The following ANO1 variants were observed in gnomAD, a reference collection of about 807,000 sequenced individuals.
ANO1 encodes anoctamin 1.
Under a neutral mutation model 124.0 loss-of-function variants are expected in ANO1, and 59 were observed. That is an observed-to-expected ratio of 0.48 (90% CI 0.39 to 0.59). The LOEUF (loss-of-function observed/expected upper bound fraction) is 0.59. Ranked by LOEUF, ANO1 falls within the 20% of genes least tolerant of loss-of-function variation. The pLI is 0.00. For synonymous variants in ANO1, 529 were observed against 532.0 expected (o/e 0.99, Z 0.08); for missense variants, 1,059 against 1,328.0 (o/e 0.80, Z 3.15).
At chr11:70,175,554 C>T (rs866281672) in intron 22 of ANO1, among the ~76,000 whole-genome samples, 52 of 152,346 alleles carry the variant, frequency 3.4e-4, no homozygotes, top group African/African-American at 1.1e-3. Flanking sequence ...GGGACCCAGC[C>T]GTGCGTGGGA....
upstream of ANO1, among the ~76,000 whole-genome samples, chr11:69,983,991 G>A (rs1554996566): frequency 2.0e-5 from 3 of 152,152 alleles, no homozygotes; most frequent in South Asian, 2.1e-4. Context: ...AATAATGACA[G>A]TTAAAAATAG....
At chr11:70,079,399 G>A (rs1464696167) in intron 1 of ANO1, among the ~76,000 whole-genome samples, 1 of 152,062 alleles carries the variant, frequency 6.6e-6, no homozygotes, top group Non-Finnish European at 1.5e-5. Flanking sequence ...GCACTGGTTG[G>A]AAGCCAGTCA....
At chr11:70,070,160 T>C (rs1237869193) in intron 1 of ANO1, among the ~76,000 whole-genome samples, 6 of 152,164 alleles carry the variant, frequency 3.9e-5, no homozygotes, top group Admixed American at 3.9e-4. Flanking sequence ...GGATAGCTGG[T>C]TCAATTCTGT....
intron 22 of ANO1, among the ~76,000 whole-genome samples, chr11:70,172,068 C>T (rs1013890581): frequency 2.1e-5 from 3 of 143,890 alleles, no homozygotes; most frequent in African/African-American, 5.2e-5. Flanking sequence ...TGCAGTGAGA[C>T]GTGATCATGC....
chr11:70,111,774 T>G lies in ANO1; in HGVS notation c.855+12T>G. 1.9e-6 allele frequency: 3 copies of G among 1,613,860 alleles called. No homozygotes were observed. Among genetic ancestry groups the G allele is most frequent in the African/African-American group, 1.3e-5 (1 of 75,048 alleles). On this transcript the variant is annotated intron_variant, in intron 7 of 25. Coordinates refer to ENST00000355303, the MANE Select transcript of ANO1 (RefSeq NM_018043.7). Reference sequence around the variant, plus strand: ...ACCCACTGCACGATGTAAGTAACCTTGACACACGATTTATCTCTGCGTCAT... The same window carrying G: ...ACCCACTGCACGATGTAAGTAACCTGGACACACGATTTATCTCTGCGTCAT...
At chr11:69,997,022 CA>C (rs1856283307) in intron 1 of ANO1, among the ~76,000 whole-genome samples, 1 of 151,906 alleles carries the variant, frequency 6.6e-6, no homozygotes, top group Non-Finnish European at 1.5e-5. Context: ...ACAGTGGGGT[CA>C]CCTCCTGCAA....
intron 10 of ANO1, 135 bp from the exon 11 acceptor site, chr11:70,131,784 C>A: frequency 9.5e-7 from 1 of 1,049,290 alleles, no homozygotes; most frequent in Non-Finnish European, 1.4e-6. Context: ...CTTATGTCCA[C>A]TATGGCATGG....
intron 1 of ANO1, among the ~76,000 whole-genome samples, chr11:70,081,489 T>C (rs1299516611): frequency 6.6e-6 from 1 of 152,258 alleles, no homozygotes. Context: ...AAAGGAAGTT[T>C]AAAACTGATG....
At chr11:70,095,658 G>A (rs1006091335) in intron 2 of ANO1, among the ~76,000 whole-genome samples, 16 of 152,158 alleles carry the variant, frequency 1.1e-4, no homozygotes, top group Non-Finnish European at 1.9e-4. Flanking sequence ...GTTGTTACCC[G>A]TTGCTGGCTT....
intron 1 of ANO1, among the ~76,000 whole-genome samples, chr11:69,992,169 T>A (rs1994773): frequency 6.6e-6 from 1 of 151,730 alleles, no homozygotes. Context: ...GGTAGATGAA[T>A]GGATGATGGA....
At chr11:70,187,694 C>G (rs1277792516) in intron 25 of ANO1, 44 bp from the exon 26 acceptor site, 2 of 1,570,722 alleles carry the variant, frequency 1.3e-6, no homozygotes. Context: ...AGCACTTCCC[C>G]AGGCGCCATC....
chr11:70,138,135 A>C (rs1251619227), intron 11 of ANO1, among the ~76,000 whole-genome samples: 1 of 146,214 alleles, frequency 6.8e-6, no homozygotes, highest in Non-Finnish European at 1.5e-5. Context: ...ACCTGAGGTC[A>C]GAAGCTCAAG....
At position 70,185,495 on chromosome 11, in the gene ANO1, G is replaced by T. The variant is rs2049079056; in HGVS notation, c.2589-95G>T. ...CCCGGAGGCAGCCGCACACCAAGCTGAGCCTCTCCCAGGCGTCCCTCGAGC... is the reference window on the plus strand; with the variant it reads ...CCCGGAGGCAGCCGCACACCAAGCTTAGCCTCTCCCAGGCGTCCCTCGAGC... On this transcript the variant is annotated intron_variant, in intron 24 of 25. Coordinates refer to ENST00000355303, the MANE Select transcript of ANO1 (RefSeq NM_018043.7). The T allele has an allele frequency of 6.9e-6, 8 of 1,159,490 alleles. No homozygotes were observed. The South Asian group carries it at 1.1e-4, about 16-fold the overall frequency. 71.8% of individuals were successfully genotyped at this position (1,159,490 alleles called of 1,614,324 possible).
chr11:70,092,158 C>T (rs1247731786), intron 2 of ANO1, among the ~76,000 whole-genome samples: 4 of 152,174 alleles, frequency 2.6e-5, no homozygotes, highest in Non-Finnish European at 2.9e-5. Flanking sequence ...TGTGGTCACT[C>T]GGCCCTCTCT....
At chr11:69,969,335 G>A in the ANO1 span, among the ~76,000 whole-genome samples, 147 of 152,330 alleles carry the variant, frequency 9.7e-4, no homozygotes, top group African/African-American at 3.2e-3. Context: ...TCTGAGGTGT[G>A]GCTGGATCCT....
intron 1 of ANO1, among the ~76,000 whole-genome samples, chr11:70,011,627 G>A (rs1856599563): frequency 6.6e-6 from 1 of 152,190 alleles, no homozygotes; most frequent in Non-Finnish European, 1.5e-5. Flanking sequence ...ATCTCAGTTA[G>A]GAGTATTTTC....
At chr11:70,047,599 T>A (rs1857281549) in intron 1 of ANO1, among the ~76,000 whole-genome samples, 1 of 152,234 alleles carries the variant, frequency 6.6e-6, no homozygotes, top group African/African-American at 2.4e-5. Context: ...AAAGAGTTTC[T>A]TCTTAACTGA....
the ANO1 span, among the ~76,000 whole-genome samples, chr11:69,972,906 C>CT: frequency 1.1e-5 from 1 of 90,254 alleles, no homozygotes; most frequent in Admixed American, 1.2e-4. Context: ...TTTTACTTTT[C>CT]TTTTTCTTTC....
intron 2 of ANO1, among the ~76,000 whole-genome samples, chr11:70,091,848 G>T (rs927109084): frequency 2.6e-5 from 4 of 152,214 alleles, no homozygotes; most frequent in Non-Finnish European, 5.9e-5. Flanking sequence ...GAGTCGGGAG[G>T]TTCATTGTGT....
Sources: allele counts gnomAD v4.1 joint callset (sites outside exome capture counted in the v4.1 genomes callset), GRCh38; gene constraint gnomAD v4.1.1; transcripts MANE v1.5; gene names NCBI Gene and HGNC (gene_info 2026-07-23, HGNC 2026-07-21).